The following SNX14 variants were observed in gnomAD, a reference collection of about 807,000 sequenced individuals.
SNX14 encodes the protein sorting nexin-14.
In SNX14, 93 loss-of-function variants were observed where a neutral mutation model predicts 133.8. The ratio of observed to expected loss-of-function variants is 0.70; its 90% CI spans 0.59 to 0.83. The LOEUF (loss-of-function observed/expected upper bound fraction) is 0.83. SNX14 is among the 40% of genes least tolerant of loss of function. The probability of loss-of-function intolerance (pLI) is 0.00; values close to 1 mark genes in which losing one functional copy is unlikely to be tolerated. For synonymous variants in SNX14, 368 were observed against 365.6 expected (o/e 1.01, Z -0.07); for missense variants, 945 against 1,094.9 (o/e 0.86, Z 1.93).
At chr6:85,558,606 C>T (rs1403401145) in intron 6 of SNX14, among the ~76,000 whole-genome samples, 8 of 152,080 alleles carry the variant, frequency 5.3e-5, no homozygotes, top group Non-Finnish European at 8.8e-5. Context: ...GGAATACAGG[C>T]GCATGCCACC....
chr6:85,582,861 C>T (rs1799472141), intron 1 of SNX14, among the ~76,000 whole-genome samples: 1 of 152,154 alleles, frequency 6.6e-6, no homozygotes, highest in East Asian at 1.9e-4. Flanking sequence ...GAGCTGGTAC[C>T]ATTCCTTCTG....
intron 12 of SNX14, 63 bp from the exon 13 acceptor site, chr6:85,543,823 C>CA: frequency 9.7e-7 from 1 of 1,034,336 alleles, no homozygotes; most frequent in Non-Finnish European, 1.3e-6. Context: ...ATAAAAGCTT[C>CA]AGTCCCATTC....
intron 7 of SNX14, among the ~76,000 whole-genome samples, chr6:85,556,198 T>C (rs766718525): frequency 2.6e-5 from 4 of 152,112 alleles, no homozygotes; most frequent in Non-Finnish European, 4.4e-5. Flanking sequence ...TAAAATCTAC[T>C]GATTTAAAGA....
At position 85,543,617 on chromosome 6, in the gene SNX14, C is replaced by A; in HGVS notation, c.1252G>T (p.Glu418Ter). 1 of 1,579,410 alleles carries A rather than the reference C, an allele frequency of 6.3e-7. No individual in the cohort carries two copies. Among genetic ancestry groups the A allele is most frequent in the Admixed American group, 1.8e-5 (1 of 55,830 alleles). ...GTCTTTGACTTACTTCTTTGAATCT[C>A]TTCTACAATGAAGGGATCAAATCTA... is the stretch of plus-strand genomic sequence containing the variant. Reference protein sequence around the residue: ...KIRFDPFIVEEIQRIAEGPYI... With the variant: ...KIRFDPFIVE Residue 418 changes from glutamate to a stop codon, truncating the protein, a stop_gained, in exon 13 of 29, where the codon GAG (glutamate) becomes TAG (stop). Transcript: ENST00000314673. LOFTEE classifies it high-confidence loss of function.
rs1417050951 is a variant in SNX14, at chr6:85,547,492, T to C, written c.912+14A>G. 10 of 1,604,084 alleles carry C rather than the reference T, an allele frequency of 6.2e-6. No homozygotes were observed. The East Asian group carries it at 6.7e-5, about 11-fold the overall frequency. ...ATGCAATCTGAAGTGTTTTCTAATA[T>C]ATTCAATACTCACTGGACTGTCATC... On this transcript the variant is annotated intron_variant, in intron 10 of 28. Transcript: ENST00000314673.
intron 9 of SNX14, 114 bp from the exon 10 acceptor site, chr6:85,547,664 G>A: frequency 1.1e-6 from 1 of 896,490 alleles, no homozygotes; most frequent in Non-Finnish European, 1.6e-6. Flanking sequence ...AAAATAAATG[G>A]AGCAGTAGCA....
chr6:85,520,044 G>A (rs1776345807), intron 21 of SNX14, among the ~76,000 whole-genome samples: 2 of 151,614 alleles, frequency 1.3e-5, no homozygotes, highest in South Asian at 2.1e-4. Context: ...AGTAGTAGCA[G>A]TAGTAGTAGT....
In SNX14 at chr6:85,505,701, A is replaced by G. The variant is rs1582402734; in HGVS notation, c.*266T>C. On this transcript the variant is annotated 3_prime_UTR_variant, in exon 29 of 29. Transcript: ENST00000314673. ...AGTCTTATCTGTTTGCCATAACATC[A>G]TTATGAATTTTCTCTTTTAAAAATG... 2 of 421,238 alleles carry G rather than the reference A, an allele frequency of 4.7e-6. No individual in the cohort carries two copies. Among genetic ancestry groups the G allele is most frequent in the East Asian group, 4.9e-5 (1 of 20,258 alleles). 26.1% of individuals were successfully genotyped at this position (421,238 alleles called of 1,614,324 possible).
intron 19 of SNX14, among the ~76,000 whole-genome samples, chr6:85,529,676 A>G (rs1779631294): frequency 6.6e-6 from 1 of 152,214 alleles, no homozygotes; most frequent in Non-Finnish European, 1.5e-5. Flanking sequence ...TCCTTATCAC[A>G]GGCTTTGCTC....
intron 1 of SNX14, among the ~76,000 whole-genome samples, chr6:85,583,725 C>T (rs1296904026): frequency 6.6e-6 from 1 of 152,134 alleles, no homozygotes. Flanking sequence ...GAACTACAAA[C>T]CACTGCTCAA....
intron 16 of SNX14, among the ~76,000 whole-genome samples, chr6:85,538,476 C>T (rs981240033): frequency 1.3e-5 from 2 of 151,906 alleles, no homozygotes; most frequent in Non-Finnish European, 2.9e-5. Flanking sequence ...AATACAGAAA[C>T]ATCATACTTA....
chr6:85,535,505 A>G (rs1367312673), intron 17 of SNX14, among the ~76,000 whole-genome samples: 1 of 150,622 alleles, frequency 6.6e-6, no homozygotes, highest in Non-Finnish European at 1.5e-5. Context: ...AACCCCAGCT[A>G]CTCAGGAGGC....
At chr6:85,530,062 A>G (rs1022146680) in intron 19 of SNX14, 130 bp downstream of exon 19, 2 of 546,170 alleles carry the variant, frequency 3.7e-6, no homozygotes, top group Non-Finnish European at 6.3e-6. Context: ...TATCAATGAA[A>G]GTATACACAA....
chr6:85,556,918 T>C (rs1789984341), intron 7 of SNX14, among the ~76,000 whole-genome samples: 1 of 152,218 alleles, frequency 6.6e-6, no homozygotes, highest in South Asian at 2.1e-4. Flanking sequence ...CAAATCTACC[T>C]ATAGCATAAT....
intron 1 of SNX14, chr6:85,581,821 A>C (rs1799149738): frequency 1.3e-5 from 2 of 152,218 alleles, no homozygotes; most frequent in African/African-American, 2.4e-5. Context: ...AGAACAAAAT[A>C]ACAAAACACA....
Position 85,536,780 on chromosome 6 carries a change from C to A in SNX14, c.1608+12G>T. On this transcript the variant is annotated intron_variant, in intron 17 of 28. Transcript: ENST00000314673. The stretch of plus-strand genomic sequence containing the variant: ...AAGTTATAAATAAATCAAATTGATA[C>A]ATTTTACTTACAAAATCATCTTCAC... 1.2e-6 allele frequency: 2 copies of A among 1,604,312 alleles called. No homozygotes were observed. The highest frequency in any genetic ancestry group is 1.7e-6 in the Non-Finnish European group (2 of 1,175,814).
chr6:85,575,867 T>C (rs73481397), intron 1 of SNX14, among the ~76,000 whole-genome samples: 10 of 152,230 alleles, frequency 6.6e-5, no homozygotes, highest in Non-Finnish European at 1.3e-4. Flanking sequence ...AATTCACCTA[T>C]GCATGAAAAA....
In SNX14 at chr6:85,565,316, C is replaced by T; in HGVS notation, c.549+16G>A. The T allele has an allele frequency of 6.6e-7, 1 of 1,510,878 alleles. No homozygotes were observed. The highest frequency in any genetic ancestry group is 9.0e-7 in the Non-Finnish European group (1 of 1,116,662). The allele number at this position is 1,510,878 out of a possible 1,614,324, so 93.6% of individuals were successfully genotyped here. On this transcript the variant is annotated intron_variant, in intron 6 of 28. Coordinates refer to ENST00000314673, the MANE Select transcript of SNX14 (RefSeq NM_153816.6). ...TAAAGCCCCAAATTCCCAAATTTCT[C>T]ATTAAAAATATATACCTTGTGAATC...
In SNX14 at chr6:85,528,317, G is replaced by C; in HGVS notation, c.1940C>G (p.Pro647Arg). 6.2e-7 allele frequency: 1 copy of C among 1,612,666 alleles called. No homozygotes were observed. The highest frequency in any genetic ancestry group is 8.5e-7 in the Non-Finnish European group (1 of 1,179,338). ...TGACTTTAAGAATTCATAATTTTTG[G>C]GGCCAATGATCCTCTTAGAAGGAAG... ...AQLPSKRIIG[P>R]KNYEFLKSKR... The change falls in exon 20 of 29, where the codon CCC (proline) becomes CGC (arginine). Residue 647 changes from proline to arginine, a missense_variant. Pro to Arg is a moderately radical substitution (Grantham distance 103, BLOSUM62 -2). Coordinates refer to ENST00000314673, the MANE Select transcript of SNX14 (RefSeq NM_153816.6).
Sources: gnomAD v4.1 joint callset for allele counts (sites outside exome capture counted in the v4.1 genomes callset) on GRCh38, gnomAD v4.1.1 for gene constraint, MANE v1.5 for transcripts, NCBI Gene and HGNC (gene_info 2026-07-23, HGNC 2026-07-21) for gene names.